SLC14A2: variants seen among roughly 807,000 people sequenced by gnomAD.
SLC14A2 encodes urea transporter 2.
Under a neutral mutation model 104.6 loss-of-function variants are expected in SLC14A2, and 91 were observed. That is an observed-to-expected ratio of 0.87 (90% CI 0.73 to 1.04). SLC14A2 has a LOEUF of 1.04. SLC14A2 is among the 50% of genes least tolerant of loss of function. SLC14A2 has a pLI of 0.00. For synonymous variants in SLC14A2, 476 were observed against 466.4 expected (o/e 1.02, Z -0.27); for missense variants, 1,189 against 1,156.0 (o/e 1.03, Z -0.41).
At chr18:45,375,719 T>G (rs1385645874) in intron 1 of SLC14A2, among the ~76,000 whole-genome samples, 1 of 152,232 alleles carries the variant, frequency 6.6e-6, no homozygotes, top group Non-Finnish European at 1.5e-5. Context: ...GTTACAGTAC[T>G]TCTACTACTG....
At chr18:45,666,783 C>G in intron 12 of SLC14A2, 152 bp from the exon 13 acceptor site, 1 of 624,114 alleles carries the variant, frequency 1.6e-6, no homozygotes, top group Non-Finnish European at 2.8e-6. Context: ...AAACAAAAGA[C>G]AGTCTAATCT....
chr18:45,663,959 TA>T, intron 11 of SLC14A2, 52 bp downstream of exon 11: 2 of 1,541,278 alleles, frequency 1.3e-6, no homozygotes, highest in Non-Finnish European at 8.8e-7. Context: ...TAGTCTCTAA[TA>T]AAACAGGGAC....
At chr18:45,413,656 C>A (rs1345178064) in intron 1 of SLC14A2, among the ~76,000 whole-genome samples, 1 of 152,144 alleles carries the variant, frequency 6.6e-6, no homozygotes, top group Non-Finnish European at 1.5e-5. Flanking sequence ...GCTTCTTGAG[C>A]TCCAGCATTG....
At chr18:45,535,471 G>T (rs1050777847) in intron 2 of SLC14A2, among the ~76,000 whole-genome samples, 1 of 152,132 alleles carries the variant, frequency 6.6e-6, no homozygotes, top group Non-Finnish European at 1.5e-5. Context: ...GAATTGTTCC[G>T]ACCATCCCGT....
rs568105562 is a variant in SLC14A2, at chr18:45,534,387, G to A, written c.-35+51065G>A. ...AAAAAAACCCCAGAGAGGTACAGAC[G>A]CGACATGCCTGGGACAGCAAAGCTG... On this transcript the variant is annotated intron_variant, in intron 2 of 20. Coordinates refer to the SLC14A2 transcript ENST00000586448. Among the ~76,000 whole-genome samples the A allele has an allele frequency of 7.9e-5, 12 of 152,250 alleles. No individual in the cohort carries two copies. The South Asian group carries it at 2.3e-3, about 29-fold the overall frequency.
chr18:45,382,368 T>C (rs551243285), intron 1 of SLC14A2, among the ~76,000 whole-genome samples: 1 of 152,192 alleles, frequency 6.6e-6, no homozygotes, highest in Non-Finnish European at 1.5e-5. Flanking sequence ...CAGAATCTAT[T>C]GAGCAGTATA....
chr18:45,249,367 A>G (rs1404195171), intron 1 of SLC14A2, among the ~76,000 whole-genome samples: 1 of 151,664 alleles, frequency 6.6e-6, no homozygotes, highest in Admixed American at 6.6e-5. Flanking sequence ...TGTGTGCTGA[A>G]CATGCGTTGA....
chr18:45,337,070 G>C (rs914600386), intron 1 of SLC14A2, among the ~76,000 whole-genome samples: 4 of 151,980 alleles, frequency 2.6e-5, no homozygotes, highest in African/African-American at 9.7e-5. Flanking sequence ...CGTGTATTGG[G>C]TTGTATACCT....
chr18:45,623,002 G>A (rs1345163857), intron 1 of SLC14A2, among the ~76,000 whole-genome samples: 1 of 152,166 alleles, frequency 6.6e-6, no homozygotes, highest in Non-Finnish European at 1.5e-5. Context: ...GTTTATCCCG[G>A]CTGGAATTTC....
intron 2 of SLC14A2, among the ~76,000 whole-genome samples, chr18:45,494,139 A>G (rs1189471821): frequency 1.3e-5 from 2 of 152,200 alleles, no homozygotes; most frequent in Non-Finnish European, 2.9e-5. Flanking sequence ...GGTGATCTGG[A>G]GACCAGGAAG....
intron 1 of SLC14A2, among the ~76,000 whole-genome samples, chr18:45,437,560 G>T (rs2086617089): frequency 6.6e-6 from 1 of 152,142 alleles, no homozygotes; most frequent in Admixed American, 6.5e-5. Flanking sequence ...ATGTCATGCG[G>T]TCTATCATCC....
rs561255999 is a variant in SLC14A2, at chr18:45,594,767, C to T, written c.-34-29864C>T. ...CTCTAAACTCTGGAACTCTTGGAAA[C>T]AAGTCAGAACTCTAGAGCCTAAGTC... is the stretch of plus-strand genomic sequence containing the variant. On this transcript the variant is annotated intron_variant, in intron 2 of 20. Coordinates refer to the SLC14A2 transcript ENST00000586448. Among the ~76,000 whole-genome samples, 5 of 152,316 alleles carry T rather than the reference C, an allele frequency of 3.3e-5. No individual in the cohort carries two copies. The South Asian group carries it at 1.0e-3, about 32-fold the overall frequency.
intron 2 of SLC14A2, among the ~76,000 whole-genome samples, chr18:45,577,368 C>T (rs1025403804): frequency 6.6e-6 from 1 of 152,156 alleles, no homozygotes; most frequent in Non-Finnish European, 1.5e-5. Flanking sequence ...TACAGTATCA[C>T]TTCTGCTACT....
At position 45,232,728 on chromosome 18, in the gene SLC14A2, G is replaced by A. The variant is rs1026199105; in HGVS notation, c.-125+19537G>A. 3.9e-5 allele frequency among the ~76,000 whole-genome samples: 6 copies of A among 152,304 alleles called. No homozygotes were observed. The East Asian group carries it at 7.7e-4, about 20-fold the overall frequency. ...AATCTGTCATAAGTTCAGCTTAATT[G>A]GTTAAGTCACAAGGGCTTTAAGAGC... On this transcript the variant is annotated intron_variant, in intron 1 of 20. Transcript: ENST00000586448.
the SLC14A2 span, among the ~76,000 whole-genome samples, chr18:45,177,698 C>T: frequency 6.6e-6 from 1 of 152,180 alleles, no homozygotes; most frequent in Non-Finnish European, 1.5e-5. Context: ...CAATAATTCA[C>T]AACTATATAT....
chr18:45,294,731 G>T (rs1023799335), intron 1 of SLC14A2, among the ~76,000 whole-genome samples: 1 of 152,168 alleles, frequency 6.6e-6, no homozygotes, highest in Non-Finnish European at 1.5e-5. Context: ...ACCGCACAGT[G>T]GCATCTTACA....
At chr18:45,511,523 A>T (rs1028839906) in intron 2 of SLC14A2, among the ~76,000 whole-genome samples, 3 of 152,006 alleles carry the variant, frequency 2.0e-5, no homozygotes, top group Admixed American at 2.0e-4. Flanking sequence ...CCCTTAGTAC[A>T]CACCTTACAG....
chr18:45,450,954 G>A (rs528201097), intron 1 of SLC14A2, among the ~76,000 whole-genome samples: 15 of 152,320 alleles, frequency 9.8e-5, no homozygotes, highest in Admixed American at 9.8e-4. Flanking sequence ...CTGGGAAATG[G>A]TGCAAAACAC....
the SLC14A2 span, among the ~76,000 whole-genome samples, chr18:45,192,553 A>G: frequency 6.6e-6 from 1 of 152,066 alleles, no homozygotes; most frequent in Non-Finnish European, 1.5e-5. Context: ...TTTCCTTCAC[A>G]TGCTTGCCAA....
Sources: allele counts gnomAD v4.1 joint callset (sites outside exome capture counted in the v4.1 genomes callset), GRCh38; gene constraint gnomAD v4.1.1; transcripts MANE v1.5; gene names NCBI Gene and HGNC (gene_info 2026-07-23, HGNC 2026-07-21).